Variants in GAS7 observed in about 807,000 individuals in gnomAD.
The protein encoded by GAS7 is growth arrest-specific protein 7.
Under a neutral mutation model 71.1 loss-of-function variants are expected in GAS7, and 28 were observed. The observed-to-expected ratio is 0.39, with a 90% confidence interval of 0.29 to 0.54. The LOEUF (loss-of-function observed/expected upper bound fraction) is 0.54. Among genes scored for constraint, GAS7 ranks in the 20% least tolerant of loss-of-function variants. The probability of loss-of-function intolerance (pLI) is 0.62; values close to 1 mark genes in which losing one functional copy is unlikely to be tolerated. For synonymous variants in GAS7, 258 were observed against 245.8 expected (o/e 1.05, Z -0.46); for missense variants, 436 against 627.8 (o/e 0.69, Z 3.27).
At chr17:10,183,608 C>A (rs62064618) in intron 1 of GAS7, among the ~76,000 whole-genome samples, 5 of 151,828 alleles carry the variant, frequency 3.3e-5, no homozygotes, top group African/African-American at 1.2e-4. Context: ...GGGAGGCCGA[C>A]ACGGGCGGAT....
intron 1 of GAS7, among the ~76,000 whole-genome samples, chr17:10,102,932 A>C (rs1454705287): frequency 6.6e-6 from 1 of 152,144 alleles, no homozygotes; most frequent in Non-Finnish European, 1.5e-5. Flanking sequence ...ATTTTAGGAA[A>C]CTGTCTCTTC....
intron 2 of GAS7, among the ~76,000 whole-genome samples, chr17:10,014,384 A>G (rs988214498): frequency 2.0e-5 from 3 of 152,126 alleles, no homozygotes; most frequent in Admixed American, 1.3e-4. Flanking sequence ...TCTGCCGCAC[A>G]AGCAGCCTTG....
At chr17:10,175,338 G>C (rs1361794673) in intron 1 of GAS7, among the ~76,000 whole-genome samples, 1 of 151,922 alleles carries the variant, frequency 6.6e-6, no homozygotes. Context: ...GCTTGTGTGA[G>C]TTTGCTGGGG....
chr17:10,078,409 G>C (rs543349243), intron 1 of GAS7, among the ~76,000 whole-genome samples: 28 of 152,222 alleles, frequency 1.8e-4, no homozygotes, highest in South Asian at 6.2e-4. Context: ...GTTTTTAAAG[G>C]GCTAGTGAAG....
At chr17:9,961,386 G>A (rs151289876) in intron 4 of GAS7, among the ~76,000 whole-genome samples, 4 of 152,158 alleles carry the variant, frequency 2.6e-5, no homozygotes, top group African/African-American at 4.8e-5. Context: ...GTTCATTCAC[G>A]TACAGACTCT....
At position 9,910,822 on chromosome 17, in the gene GAS7, A is replaced by AT. The variant is rs1418554088; in HGVS notation, c.*6405dup. ...TTATAAATTATATTACATCAATTTTATTTACTGATCTAGGCAGCCAGAGGG... is the reference window on the plus strand; with the variant it reads ...TTATAAATTATATTACATCAATTTTATTTTACTGATCTAGGCAGCCAGAGGG... On this transcript the variant is annotated 3_prime_UTR_variant, in exon 14 of 14. Coordinates refer to ENST00000432992, the MANE Select transcript of GAS7 (RefSeq NM_201433.2). 8.8e-6 allele frequency: 2 copies of AT among 227,394 alleles called. No homozygotes were observed. Among genetic ancestry groups the AT allele is most frequent in the African/African-American group, 4.4e-5 (2 of 44,998 alleles). The allele number at this position is 227,394 out of a possible 1,614,324, so 14.1% of individuals were successfully genotyped here. A position where few individuals can be genotyped will look rare whatever the true frequency, so the allele number is the denominator to read the frequency against.
At chr17:10,078,632 AT>A (rs2073422601) in intron 1 of GAS7, among the ~76,000 whole-genome samples, 1 of 152,216 alleles carries the variant, frequency 6.6e-6, no homozygotes, top group South Asian at 2.1e-4. Flanking sequence ...GAGGTTATAT[AT>A]GGAGGAAAGG....
At chr17:9,949,760 C>T (rs1216591283) in intron 5 of GAS7, among the ~76,000 whole-genome samples, 2 of 121,684 alleles carry the variant, frequency 1.6e-5, no homozygotes, top group Non-Finnish European at 3.3e-5. Context: ...TCTCTTTCTC[C>T]TTCCCTTCCT....
intron 1 of GAS7, among the ~76,000 whole-genome samples, chr17:10,037,774 T>C (rs763389835): frequency 1.3e-5 from 2 of 152,104 alleles, no homozygotes; most frequent in Non-Finnish European, 2.9e-5. Context: ...TTTCACCTAG[T>C]GGACGAAGTA....
chr17:10,183,279 T>C (rs764966636), intron 1 of GAS7, among the ~76,000 whole-genome samples: 17 of 152,110 alleles, frequency 1.1e-4, no homozygotes, highest in East Asian at 1.9e-4. Flanking sequence ...CACAAGTGAT[T>C]TGTGCCTCAT....
intron 9 of GAS7, among the ~76,000 whole-genome samples, chr17:9,933,832 G>A (rs1217372819): frequency 6.6e-6 from 1 of 152,128 alleles, no homozygotes; most frequent in African/African-American, 2.4e-5. Context: ...GCAACACAGT[G>A]AGACCTTGTC....
intron 1 of GAS7, among the ~76,000 whole-genome samples, chr17:10,082,003 A>G (rs1402876007): frequency 2.0e-5 from 3 of 152,196 alleles, no homozygotes; most frequent in East Asian, 1.9e-4. Flanking sequence ...GTGTCCACCA[A>G]TGGAGATAAA....
intron 1 of GAS7, among the ~76,000 whole-genome samples, chr17:10,143,654 C>T (rs2074100668): frequency 6.6e-6 from 1 of 151,998 alleles, no homozygotes; most frequent in African/African-American, 2.4e-5. Flanking sequence ...AATTAGGATA[C>T]AGGATACAGA....
At chr17:9,943,692 TA>T (rs2068689436) in intron 6 of GAS7, among the ~76,000 whole-genome samples, 1 of 152,120 alleles carries the variant, frequency 6.6e-6, no homozygotes, top group South Asian at 2.1e-4. Context: ...CTTACACTGG[TA>T]GGGCAGTGAC....
chr17:9,997,129 G>A (rs1043792529), intron 2 of GAS7, among the ~76,000 whole-genome samples: 7 of 151,602 alleles, frequency 4.6e-5, no homozygotes, highest in African/African-American at 9.7e-5. Flanking sequence ...GGCTGAATCA[G>A]TCAATGCTAT....
intron 5 of GAS7, among the ~76,000 whole-genome samples, chr17:9,948,849 C>T (rs2068891429): frequency 1.3e-5 from 2 of 152,224 alleles, no homozygotes; most frequent in South Asian, 2.1e-4. Flanking sequence ...AGATTCCCAC[C>T]TCTCCTAGGA....
At chr17:10,031,878 C>A (rs1236037944) in intron 1 of GAS7, among the ~76,000 whole-genome samples, 1 of 152,194 alleles carries the variant, frequency 6.6e-6, no homozygotes, top group African/African-American at 2.4e-5. Context: ...ATTGACGAAC[C>A]AGCATAATTG....
At chr17:10,075,063 A>G (rs1406196903) in intron 1 of GAS7, among the ~76,000 whole-genome samples, 1 of 152,168 alleles carries the variant, frequency 6.6e-6, no homozygotes, top group African/African-American at 2.4e-5. Flanking sequence ...AATTATAACT[A>G]TTGAAAATTA....
At chr17:10,136,457 G>C (rs2074039329) in intron 1 of GAS7, among the ~76,000 whole-genome samples, 1 of 152,174 alleles carries the variant, frequency 6.6e-6, no homozygotes, top group Non-Finnish European at 1.5e-5. Flanking sequence ...TCCAGACTGG[G>C]GAAGGCAGCG....
Sources: gnomAD v4.1 joint callset for allele counts (sites outside exome capture counted in the v4.1 genomes callset) on GRCh38, gnomAD v4.1.1 for gene constraint, MANE v1.5 for transcripts, NCBI Gene and HGNC (gene_info 2026-07-23, HGNC 2026-07-21) for gene names.